DENND1A: variants seen among roughly 807,000 people sequenced by gnomAD.
DENND1A encodes DENN domain containing 1A, also known as DENN domain-containing protein 1A.
Under a neutral mutation model 113.7 loss-of-function variants are expected in DENND1A, and 51 were observed. The observed-to-expected ratio is 0.45, with a 90% CI of 0.36 to 0.57. The LOEUF is 0.57. Ranked by LOEUF, DENND1A falls within the 20% of genes least tolerant of loss-of-function variation. The pLI, the probability that DENND1A is intolerant of heterozygous loss-of-function variation, is 0.00. For missense variants in DENND1A, 1,258 were observed against 1,395.9 expected (o/e 0.90, Z 1.57); for synonymous variants, 565 against 570.8 (o/e 0.99, Z 0.14).
At chr9:123,416,823 TG>T (rs1433508078) in intron 19 of DENND1A, among the ~76,000 whole-genome samples, 9 of 152,202 alleles carry the variant, frequency 5.9e-5, no homozygotes, top group African/African-American at 1.9e-4. Flanking sequence ...TGTGTCTTTA[TG>T]GAACAACTAA....
chr9:123,453,919 T>A (rs1454724474), intron 16 of DENND1A, among the ~76,000 whole-genome samples: 1 of 152,210 alleles, frequency 6.6e-6, no homozygotes, highest in East Asian at 1.9e-4. Context: ...CAACAAGTCC[T>A]TATTACTCCT....
chr9:123,385,409 C>T (rs1237369691), intron 22 of DENND1A, among the ~76,000 whole-genome samples: 15 of 152,260 alleles, frequency 9.9e-5, no homozygotes, highest in African/African-American at 3.4e-4. Flanking sequence ...GTGATCTGCC[C>T]GCCTCAGCCT....
At chr9:123,833,823 G>A (rs1417763050) in intron 2 of DENND1A, among the ~76,000 whole-genome samples, 1 of 152,126 alleles carries the variant, frequency 6.6e-6, no homozygotes, top group Non-Finnish European at 1.5e-5. Context: ...CACTTTGGGA[G>A]GCCAACATGG....
intron 3 of DENND1A, among the ~76,000 whole-genome samples, chr9:123,782,722 CA>C (rs1831517016): frequency 6.6e-6 from 1 of 152,202 alleles, no homozygotes; most frequent in Non-Finnish European, 1.5e-5. Context: ...TCTAGACAAA[CA>C]ACCTAGATAA....
chr9:123,671,505 T>G (rs1360605113), intron 6 of DENND1A, 134 bp from the exon 7 acceptor site: 1 of 798,748 alleles, frequency 1.3e-6, no homozygotes, highest in Non-Finnish European at 2.0e-6. Flanking sequence ...GGTTTGATAT[T>G]CATGTAGGGT....
intron 13 of DENND1A, among the ~76,000 whole-genome samples, chr9:123,502,391 T>A (rs900247968): frequency 1.3e-5 from 2 of 152,252 alleles, no homozygotes; most frequent in Non-Finnish European, 2.9e-5. Flanking sequence ...GCCATCTTAA[T>A]GGGTGTGAGG....
In DENND1A at chr9:123,480,014, C is replaced by T. The variant is rs151107631; in HGVS notation, c.994-22117G>A. ...CTAGTGTCAGGGCAGACTCCCCTAC[C>T]GAAGTAGGAGCTGATAATCTGAGGT... On this transcript the variant is annotated intron_variant, in intron 13 of 23. Transcript: ENST00000394215. 2.6e-5 allele frequency among the ~76,000 whole-genome samples: 4 copies of T among 152,308 alleles called. No homozygotes were observed. In the East Asian group the frequency reaches 7.7e-4, roughly 29 times the overall value.
intron 13 of DENND1A, among the ~76,000 whole-genome samples, chr9:123,542,275 G>A (rs1025999708): frequency 7.2e-5 from 11 of 152,136 alleles, no homozygotes; most frequent in Non-Finnish European, 1.5e-4. Context: ...CGTTTAAGTC[G>A]AGATTCCCTT....
At chr9:123,524,501 T>C (rs114441648) in intron 13 of DENND1A, among the ~76,000 whole-genome samples, 2,181 of 152,270 alleles carry the variant, frequency 0.014, 68 homozygotes, top group African/African-American at 0.05. Context: ...CCAACACAGA[T>C]GAGCCATGCC....
Position 123,381,404 on chromosome 9 carries a change from G to A in DENND1A, c.*28C>T, listed in dbSNP as rs775361470. The A allele has an allele frequency of 4.4e-6, 7 of 1,605,692 alleles. No homozygotes were observed. Among genetic ancestry groups the A allele is most frequent in the East Asian group, 2.2e-5 (1 of 44,818 alleles). On this transcript the variant is annotated 3_prime_UTR_variant, in exon 24 of 24. Transcript: ENST00000394215. This position sits in a 1 kb window ranked among gnomAD's most constrained non-coding sequence, Gnocchi z 4.7. The stretch of plus-strand genomic sequence containing the variant: ...AGCAGTGGACGGACCCTCGGGCCTC[G>A]GTGCATCCCCCACCCTCAGGGCCCG...
chr9:123,485,455 G>A (rs1167163948), intron 13 of DENND1A: 1 of 152,220 alleles, frequency 6.6e-6, no homozygotes, highest in Non-Finnish European at 1.5e-5. Flanking sequence ...ATCAGCTGCA[G>A]CTTGGAGGAG....
chr9:123,543,926 C>T (rs1272509227), intron 13 of DENND1A, among the ~76,000 whole-genome samples: 1 of 151,994 alleles, frequency 6.6e-6, no homozygotes, highest in East Asian at 1.9e-4. Context: ...AAGTCAGTGC[C>T]CTGGTCAGGT....
chr9:123,727,065 G>T (rs539454390), intron 5 of DENND1A, among the ~76,000 whole-genome samples: 4 of 152,256 alleles, frequency 2.6e-5, no homozygotes, highest in Admixed American at 2.6e-4. Context: ...AGATCTAAAC[G>T]GGATGATCAG....
At chr9:123,629,448 C>G (rs925087053) in intron 10 of DENND1A, among the ~76,000 whole-genome samples, 2 of 152,208 alleles carry the variant, frequency 1.3e-5, no homozygotes, top group Non-Finnish European at 2.9e-5. Flanking sequence ...TTTTGGTAAT[C>G]TATTGAAGAC....
At chr9:123,561,431 A>T (rs2057749125) in intron 12 of DENND1A, among the ~76,000 whole-genome samples, 1 of 152,194 alleles carries the variant, frequency 6.6e-6, no homozygotes, top group Non-Finnish European at 1.5e-5. Context: ...TCACCCTGAA[A>T]CATGGAGAAG....
intron 5 of DENND1A, among the ~76,000 whole-genome samples, chr9:123,681,906 G>C (rs999478995): frequency 8.0e-5 from 12 of 150,554 alleles, no homozygotes; most frequent in Admixed American, 5.3e-4. Context: ...GGGAAATGCT[G>C]TGTTGGGTTA....
intron 11 of DENND1A, among the ~76,000 whole-genome samples, chr9:123,593,605 A>C (rs1295410494): frequency 6.6e-6 from 1 of 152,210 alleles, no homozygotes; most frequent in Non-Finnish European, 1.5e-5. Flanking sequence ...GTGGCTCCTG[A>C]CATTATACTA....
chr9:123,809,481 C>G (rs138564352), intron 2 of DENND1A, among the ~76,000 whole-genome samples: 70 of 152,126 alleles, frequency 4.6e-4, no homozygotes, highest in Admixed American at 1.1e-3. Context: ...TGAGACAACT[C>G]ATTGCTTTGG....
intron 19 of DENND1A, chr9:123,414,494 G>A: frequency 1.3e-6 from 2 of 1,539,152 alleles, no homozygotes; most frequent in Non-Finnish European, 1.8e-6. Flanking sequence ...CATCCTGGGA[G>A]ACGCATTGTG....
Sources: gnomAD v4.1 joint callset for allele counts (sites outside exome capture counted in the v4.1 genomes callset) on GRCh38, gnomAD v4.1.1 for gene constraint, Gnocchi (gnomAD v3.1) non-coding constraint, MANE v1.5 for transcripts, NCBI Gene and HGNC (gene_info 2026-07-23, HGNC 2026-07-21) for gene names.